Variants in MUC3A observed in about 807,000 individuals in gnomAD.
MUC3A encodes the protein mucin 3A, cell surface associated.
In MUC3A, 109 loss-of-function variants were observed where a neutral mutation model predicts 109.0. The ratio of observed to expected loss-of-function variants is 1.00; its 90% CI spans 0.86 to 1.17. MUC3A has a LOEUF of 1.17. MUC3A is among the 50% of genes most tolerant of loss of function. The pLI is 0.00. For missense variants in MUC3A, 3,537 were observed against 2,469.4 expected (o/e 1.43, Z -9.16); for synonymous variants, 1,398 against 981.4 (o/e 1.42, Z -7.93).
Position 100,966,698 on chromosome 7 carries a change from G to A in MUC3A, c.9832G>A (p.Val3278Ile), listed in dbSNP as rs1208908987. 3.1e-6 allele frequency: 5 copies of A among 1,598,438 alleles called. No homozygotes were observed. The highest frequency in any genetic ancestry group is 2.2e-5 in the South Asian group (2 of 91,096). Residue 3278 changes from valine (V) to isoleucine (I), a missense_variant, in exon 10 of 12, where the codon GTC becomes ATC. Physicochemically the swap from Val to Ile is conservative, Grantham distance 29. Coordinates refer to ENST00000379458, the MANE Select transcript of MUC3A (RefSeq NM_005960.2). ...ATGGTTCGAGACCTGGGATGAGGAAGTCGTGGGCACTTTTTCAAACTGGGG... is the reference window on the plus strand; with the variant it reads ...ATGGTTCGAGACCTGGGATGAGGAAATCGTGGGCACTTTTTCAAACTGGGG... Reference protein sequence around the residue: ...RKWFETWDEEVVGTFSNWGFE... With the variant: ...RKWFETWDEEIVGTFSNWGFE...
At position 100,960,082 on chromosome 7, in the gene MUC3A, C is replaced by A. The variant is rs751400902; in HGVS notation, c.8303C>A (p.Pro2768His). Reference protein sequence around the residue: ...FSYISLPSTTPCPGTITITIV... With the variant: ...FSYISLPSTTHCPGTITITIV... Reference sequence around the variant, plus strand: ...TATATTTCCCTTCCCTCCACCACACCCTGTCCAGGAACTATAACAATTACC... The same window carrying A: ...TATATTTCCCTTCCCTCCACCACACACTGTCCAGGAACTATAACAATTACC... The change falls in exon 2 of 12, where the codon CCC becomes CAC. Residue 2768 changes from proline to histidine, a missense_variant. Transcript: ENST00000379458. The A allele has an allele frequency of 6.6e-7, 1 of 1,517,524 alleles. No homozygotes were observed. 94.0% of individuals were successfully genotyped at this position (1,517,524 alleles called of 1,614,324 possible).
In MUC3A at chr7:100,959,385, G is replaced by C; in HGVS notation, c.7606G>C (p.Glu2536Gln). The C allele has an allele frequency of 6.5e-7, 1 of 1,538,754 alleles. No homozygotes were observed. The highest frequency in any genetic ancestry group is 2.2e-5 in the East Asian group (1 of 44,568). ...ISSSPSIQST[E>Q]TSSLVGTTSP... is the part of the protein sequence containing the mutation. ...ATCTTCTCCCTCCATCCAAAGTACA[G>C]AAACCTCATCCCTTGTGGGCACCAC... is the stretch of plus-strand genomic sequence containing the variant. Residue 2536 changes from glutamate (E) to glutamine (Q), a missense_variant, in exon 2 of 12, where the codon GAA (glutamate) becomes CAA (glutamine). Physicochemically the swap from Glu to Gln is conservative, Grantham distance 29 (BLOSUM62 2). Coordinates refer to ENST00000379458, the MANE Select transcript of MUC3A (RefSeq NM_005960.2).
Position 100,949,543 on chromosome 7 carries a change from A to T in MUC3A, c.-82A>T. The T allele has an allele frequency of 7.7e-7, 1 of 1,296,894 alleles. No homozygotes were observed. Among genetic ancestry groups the T allele is most frequent in the Non-Finnish European group, 1.0e-6 (1 of 958,178 alleles). The allele number at this position is 1,296,894 out of a possible 1,614,324, so 80.3% of individuals were successfully genotyped here. ...AAAACCGATAACCAGCACTTTCATT[A>T]CGTGCACGCCCCAGGGCCACGTCCC... On this transcript the variant is annotated 5_prime_UTR_variant, in exon 1 of 12. Transcript: ENST00000379458.
At position 100,965,763 on chromosome 7, in the gene MUC3A, G is replaced by T. The variant is rs761906037; in HGVS notation, c.9508G>T (p.Ala3170Ser). Residue 3170 changes from alanine to serine, a missense_variant, in exon 8 of 12, where the codon GCC (alanine) becomes TCC (serine). By Grantham distance (99) the Ala-to-Ser change is moderately conservative (BLOSUM62 1). Transcript: ENST00000379458. ...YEEFYFPLVE[A>S]TRLRCVTKCT... ...AGAGTTCTACTTCCCCTTGGTGGAG[G>T]CCACCCGGCTCCGCTGTGTCACCAA... is the stretch of plus-strand genomic sequence containing the variant. 7 of 1,598,334 alleles carry T rather than the reference G, an allele frequency of 4.4e-6. No individual in the cohort carries two copies. Among genetic ancestry groups the T allele is most frequent in the African/African-American group, 1.3e-5 (1 of 74,962 alleles).
At chr7:100,960,959 T>G in intron 3 of MUC3A, 22 bp downstream of exon 3, 1 of 1,598,492 alleles carries the variant, frequency 6.3e-7, no homozygotes, top group Non-Finnish European at 8.5e-7. Flanking sequence ...GAGCTATGCC[T>G]TCTGCACTTC....
Position 100,958,786 on chromosome 7 carries a change from A to T in MUC3A, c.7007A>T (p.His2336Leu), listed in dbSNP as rs766932387. 8.4e-7 allele frequency: 1 copy of T among 1,191,702 alleles called. No homozygotes were observed. Among genetic ancestry groups the T allele is most frequent in the Non-Finnish European group, 1.0e-6 (1 of 954,448 alleles). The allele number at this position is 1,191,702 out of a possible 1,614,324, so 73.8% of individuals were successfully genotyped here. ...SSITTTETTS[H>L]NTRSFTSSIT... ...ATCACCACCACCGAGACCACCTCAC[A>T]CAATACTCGCAGCTTCACTTCTTCG... Residue 2336 changes from histidine (H) to leucine (L), a missense_variant, in exon 2 of 12, where the codon CAC becomes CTC. Transcript: ENST00000379458.
rs904247742 is a variant in MUC3A, at chr7:100,956,185, C to A, written c.4406C>A (p.Thr1469Lys). ...TSETAYPSSP[T>K]STVTESTTEI... ...GAGACCGCCTACCCTAGTTCTCCCA[C>A]AAGCACTGTCACAGAGTCCACAACT... Residue 1469 changes from threonine to lysine, a missense_variant, in exon 2 of 12, where the codon ACA becomes AAA. Transcript: ENST00000379458. The A allele has an allele frequency of 1.1e-5, 5 of 447,416 alleles. No individual in the cohort carries two copies. Among genetic ancestry groups the A allele is most frequent in the Admixed American group, 4.1e-5 (1 of 24,332 alleles). The allele number at this position is 447,416 out of a possible 1,614,324, so 27.7% of individuals were successfully genotyped here.
intron 2 of MUC3A, 29 bp from the exon 3 acceptor site, chr7:100,960,723 G>A: frequency 6.3e-7 from 1 of 1,595,708 alleles, no homozygotes; most frequent in Non-Finnish European, 8.5e-7. Flanking sequence ...GCTTTATCCT[G>A]AGCTTCCCTT....
In MUC3A at chr7:100,952,340, ATCT is replaced by A. The variant is rs771106082; in HGVS notation, c.565_567del (p.Ser189del). On this transcript the variant is annotated inframe_deletion, in exon 2 of 12. Coordinates refer to ENST00000379458, the MANE Select transcript of MUC3A (RefSeq NM_005960.2). ...CTGAGAAAGGAACGTCAGCCATGAC[ATCT>A]TCTCCCTCTACCACCACTGCAAGGG... 16 of 1,598,510 alleles carry A rather than the reference ATCT, an allele frequency of 1.0e-5. No homozygotes were observed. Among genetic ancestry groups the A allele is most frequent in the Admixed American group, 1.7e-5 (1 of 60,024 alleles).
In MUC3A at chr7:100,958,047, A is replaced by G; in HGVS notation, c.6268A>G (p.Thr2090Ala). 1 of 1,293,324 alleles carries G rather than the reference A, an allele frequency of 7.7e-7. No homozygotes were observed. The highest frequency in any genetic ancestry group is 1.1e-6 in the Non-Finnish European group (1 of 922,340). The allele number at this position is 1,293,324 out of a possible 1,614,324, so 80.1% of individuals were successfully genotyped here. A position where few individuals can be genotyped will look rare whatever the true frequency, so the allele number is the denominator to read the frequency against. Reference sequence around the variant, plus strand: ...CACCACCGAGACCCCCTCACACAGTACTCTCAGCTTCACTTCTTCAATCAC... The same window carrying G: ...CACCACCGAGACCCCCTCACACAGTGCTCTCAGCTTCACTTCTTCAATCAC... ...ITTTETPSHS[T>A]LSFTSSITTT... is the part of the protein sequence containing the mutation. The change falls in exon 2 of 12, where the codon ACT (threonine) becomes GCT (alanine). Residue 2090 changes from threonine (T) to alanine (A), a missense_variant. By Grantham distance (58) the Thr-to-Ala change is moderately conservative (BLOSUM62 0). Transcript: ENST00000379458.
Position 100,964,819 on chromosome 7 carries a change from G to A in MUC3A, c.9358G>A (p.Val3120Met), listed in dbSNP as rs767050090. The change falls in exon 6 of 12, where the codon GTG becomes ATG. Residue 3120 changes from valine to methionine, a missense_variant. Val to Met is a conservative substitution (Grantham distance 21). Coordinates refer to ENST00000379458, the MANE Select transcript of MUC3A (RefSeq NM_005960.2). ...GGGGCTGCAGAACGCCAGCCAGGAT[G>A]TGAACAGCTGCCAGGACTCCCAGAG... ...KEGLQNASQD[V>M]NSCQDSQTLC... is the part of the protein sequence containing the mutation. The A allele has an allele frequency of 5.6e-6, 9 of 1,598,174 alleles. No individual in the cohort carries two copies. In the East Asian group the frequency reaches 6.7e-5, roughly 12 times the overall value.
At chr7:100,951,317 C>T (rs1791933596) in intron 1 of MUC3A, among the ~76,000 whole-genome samples, 1 of 152,308 alleles carries the variant, frequency 6.6e-6, no homozygotes, top group Admixed American at 6.5e-5. Context: ...CTTTCCCTGT[C>T]TCCTGGTTTT....
rs1792486291 is a variant in MUC3A, at chr7:100,965,184, C to G, written c.9383-98C>G. On this transcript the variant is annotated intron_variant, in intron 6 of 11. Coordinates refer to ENST00000379458, the MANE Select transcript of MUC3A (RefSeq NM_005960.2). ...CTCTCCCAGACGGAGAGAGCCCTCA[C>G]TGCCCTCCCTGTGCCTATCCTGCCT... is the stretch of plus-strand genomic sequence containing the variant. 3.3e-6 allele frequency: 5 copies of G among 1,533,720 alleles called. No homozygotes were observed. In the Admixed American group the frequency reaches 7.7e-5, roughly 24 times the overall value.
Position 100,951,973 on chromosome 7 carries a change from C to T in MUC3A, c.194C>T (p.Ser65Phe). 6.3e-7 allele frequency: 1 copy of T among 1,598,656 alleles called. No homozygotes were observed. The highest frequency in any genetic ancestry group is 8.5e-7 in the Non-Finnish European group (1 of 1,179,804). ...CCACTTGGTGTCCCCCAGCTCGCCT[C>T]TCCTGCTCCTGGCCACAGGGAAAAT... is the stretch of plus-strand genomic sequence containing the variant. ...GWPLGVPQLA[S>F]PAPGHRENAP... The change falls in exon 2 of 12, where the codon TCT (serine) becomes TTT (phenylalanine). Residue 65 changes from serine (S) to phenylalanine (F), a missense_variant. Ser to Phe is a radical substitution (Grantham distance 155). Coordinates refer to ENST00000379458, the MANE Select transcript of MUC3A (RefSeq NM_005960.2).
rs1792116487 is a variant in MUC3A, at chr7:100,957,075, T to G, written c.5296T>G (p.Ser1766Ala). The change falls in exon 2 of 12, where the codon TCA becomes GCA. Residue 1766 changes from serine to alanine, a missense_variant. Ser to Ala is a moderately conservative substitution (Grantham distance 99). Coordinates refer to ENST00000379458, the MANE Select transcript of MUC3A (RefSeq NM_005960.2). ...AVSSTPPITS[S>A]ITSTYTVTSM... is the part of the protein sequence containing the mutation. ...GAGTTCTACTCCCCCCATCACTTCT[T>G]CAATCACCTCCACATATACGGTGAC... 2 of 471,340 alleles carry G rather than the reference T, an allele frequency of 4.2e-6. No homozygotes were observed. The highest frequency in any genetic ancestry group is 7.5e-6 in the Non-Finnish European group (2 of 268,054). The allele number at this position is 471,340 out of a possible 1,614,324, so 29.2% of individuals were successfully genotyped here.
Position 100,967,388 on chromosome 7 carries a change from C to A in MUC3A, c.*226C>A. ...GGCTCTTCCACTGTGGAATCTTGGG[C>A]AAGTCAGTAACGAGCCTCAGTTTCC... On this transcript the variant is annotated 3_prime_UTR_variant, in exon 12 of 12. Coordinates refer to ENST00000379458, the MANE Select transcript of MUC3A (RefSeq NM_005960.2). The A allele has an allele frequency of 1.5e-6, 1 of 681,364 alleles. No homozygotes were observed. Among genetic ancestry groups the A allele is most frequent in the South Asian group, 1.9e-5 (1 of 51,420 alleles). The allele number at this position is 681,364 out of a possible 1,614,324, so 42.2% of individuals were successfully genotyped here.
At position 100,959,763 on chromosome 7, in the gene MUC3A, T is replaced by A. The variant is rs1328895668; in HGVS notation, c.7984T>A (p.Ser2662Thr). Residue 2662 changes from serine to threonine, a missense_variant, in exon 2 of 12, where the codon TCT becomes ACT. Transcript: ENST00000379458. Reference sequence around the variant, plus strand: ...ATCTACAAGTGAGTTCACTACAGAATCTTTCACTAGGGGAAGTACGTCTAC... The same window carrying A: ...ATCTACAAGTGAGTTCACTACAGAAACTTTCACTAGGGGAAGTACGTCTAC... ...LTSTSEFTTE[S>T]FTRGSTSTNA... 1.3e-6 allele frequency: 2 copies of A among 1,598,172 alleles called. No homozygotes were observed. The highest frequency in any genetic ancestry group is 1.7e-5 in the Admixed American group (1 of 59,998).
In MUC3A at chr7:100,959,850, TC is replaced by T; in HGVS notation, c.8073del (p.Ser2692LeufsTer8). 6.4e-7 allele frequency: 1 copy of T among 1,565,374 alleles called. No homozygotes were observed. The highest frequency in any genetic ancestry group is 8.6e-7 in the Non-Finnish European group (1 of 1,163,534). The part of the protein sequence containing the change: ...IWSSTPTIIM[S>X]SSPSSASITP... ...GTCCTCAACACCCACTATTATCATG[TC>T]CTCTTCTCCATCTTCTGCCAGCATA... On this transcript the variant is annotated frameshift_variant, in exon 2 of 12. Coordinates refer to ENST00000379458, the MANE Select transcript of MUC3A (RefSeq NM_005960.2). LOFTEE classifies it high-confidence loss of function.
Position 100,956,414 on chromosome 7 carries a change from C to T in MUC3A, c.4635C>T (p.Ala1545=), listed in dbSNP as rs1792097348. ...CCACAGCCAGCACACCCACCACTGC[C>T]ATCACCTCAGTTCCCACTACCTTGG... The part of the protein sequence containing the change: ...IYSTASTPTT[A]ITSVPTTLGT... The change falls in exon 2 of 12, where the codon GCC becomes GCT. Residue 1545 remains alanine, a synonymous_variant. Coordinates refer to ENST00000379458, the MANE Select transcript of MUC3A (RefSeq NM_005960.2). The T allele has an allele frequency of 3.1e-6, 2 of 649,482 alleles. No individual in the cohort carries two copies. Among genetic ancestry groups the T allele is most frequent in the South Asian group, 3.7e-5 (2 of 53,350 alleles). The allele number at this position is 649,482 out of a possible 1,614,324, so 40.2% of individuals were successfully genotyped here.
Sources: allele counts gnomAD v4.1 joint callset (sites outside exome capture counted in the v4.1 genomes callset), GRCh38; gene constraint gnomAD v4.1.1; transcripts MANE v1.5; gene names NCBI Gene and HGNC (gene_info 2026-07-23, HGNC 2026-07-21).